The following STK32A variants were observed in gnomAD, a reference collection of about 807,000 sequenced individuals.
STK32A encodes the protein serine/threonine kinase 32A, also known as serine/threonine-protein kinase 32A.
STK32A carries 41 observed loss-of-function variants against 53.2 expected under a neutral mutation model. That is an observed-to-expected ratio of 0.77 (90% confidence interval 0.60 to 1.00). STK32A has a LOEUF of 1.00. Among genes scored for constraint, STK32A ranks in the 50% least tolerant of loss-of-function variants. STK32A has a pLI of 0.00. For synonymous variants in STK32A, 166 were observed against 162.8 expected (o/e 1.02, Z -0.15); for missense variants, 458 against 485.8 (o/e 0.94, Z 0.54).
chr5:147,316,922 C>T (rs888908321), intron 4 of STK32A, among the ~76,000 whole-genome samples: 72 of 149,814 alleles, frequency 4.8e-4, no homozygotes, highest in African/African-American at 6.1e-4. Context: ...AACTGTGCCT[C>T]GGAGTAACTA....
At chr5:147,283,891 G>A (rs999537408) in intron 4 of STK32A, among the ~76,000 whole-genome samples, 18 of 151,162 alleles carry the variant, frequency 1.2e-4, no homozygotes, top group African/African-American at 4.1e-4. Context: ...CAATTCTTTT[G>A]ACACTAAGGA....
intron 11 of STK32A, chr5:147,383,137 G>A (rs1481883685): frequency 1.1e-5 from 4 of 377,424 alleles, no homozygotes; most frequent in Non-Finnish European, 1.9e-5. Flanking sequence ...AATTAACTGC[G>A]CTTTGCCACC....
At chr5:147,264,650 TG>T (rs1754728276) in intron 2 of STK32A, among the ~76,000 whole-genome samples, 1 of 152,186 alleles carries the variant, frequency 6.6e-6, no homozygotes, top group Non-Finnish European at 1.5e-5. Context: ...GATGGAGGCA[TG>T]TTGGGATAAA....
chr5:147,371,076 G>A (rs1386970044), intron 9 of STK32A, among the ~76,000 whole-genome samples: 1 of 152,042 alleles, frequency 6.6e-6, no homozygotes, highest in Non-Finnish European at 1.5e-5. Context: ...CCAGCAACCA[G>A]GACTCATTTG....
At chr5:147,237,723 C>T (rs1011240940) in intron 1 of STK32A, among the ~76,000 whole-genome samples, 5 of 152,166 alleles carry the variant, frequency 3.3e-5, no homozygotes, top group Admixed American at 6.5e-5. Flanking sequence ...CCATAAGGCA[C>T]TTTGCCAGCA....
chr5:147,295,578 T>C (rs974940515), intron 4 of STK32A, among the ~76,000 whole-genome samples: 2 of 152,230 alleles, frequency 1.3e-5, no homozygotes, highest in South Asian at 4.1e-4. Flanking sequence ...TACTTTCTAT[T>C]TTTCTGATAA....
In STK32A at chr5:147,364,870, A is replaced by G. The variant is rs541989153; in HGVS notation, c.660+3256A>G. Among the ~76,000 whole-genome samples the G allele has an allele frequency of 6.6e-5, 10 of 152,314 alleles. No individual in the cohort carries two copies. In the South Asian group the frequency reaches 1.2e-3, roughly 19 times the overall value. On this transcript the variant is annotated intron_variant, in intron 8 of 12. Transcript: ENST00000397936. ...TTAAATTTAGAAATTTTGGGGGGAT[A>G]CATTCAGTCTGTAACAGGTTGTATA...
rs763776609 is a variant in STK32A at position 147,361,532 on chromosome 5, G to A, written c.578G>A (p.Ser193Asn). The A allele has an allele frequency of 6.2e-7, 1 of 1,612,630 alleles. No homozygotes were observed. Among genetic ancestry groups the A allele is most frequent in the South Asian group, 1.1e-5 (1 of 90,636 alleles). Reference protein sequence around the residue: ...TKPYMAPEMFSSRKGAGYSFA... With the variant: ...TKPYMAPEMFNSRKGAGYSFA... ...TGTTTTTCAGCACCTGAGATGTTCA[G>A]CTCCAGAAAAGGAGCAGGCTATTCC... is the stretch of plus-strand genomic sequence containing the variant. Residue 193 changes from serine (S) to asparagine (N), a missense_variant, in exon 8 of 13, where the codon AGC becomes AAC. By Grantham distance (46) the Ser-to-Asn change is conservative. Transcript: ENST00000397936.
At chr5:147,344,095 T>C (rs1581119365) in intron 6 of STK32A, among the ~76,000 whole-genome samples, 2 of 152,316 alleles carry the variant, frequency 1.3e-5, no homozygotes, top group East Asian at 3.9e-4. Flanking sequence ...AATAAGATCT[T>C]TGTTATGTCT....
chr5:147,393,897 G>C, the STK32A span: 2 of 847,710 alleles, frequency 2.4e-6, no homozygotes, highest in Non-Finnish European at 3.7e-6. Flanking sequence ...TAACATTGGA[G>C]AAACATAAGG....
chr5:147,375,065 A>T lies in STK32A; in HGVS notation c.904-25A>T, dbSNP rs191956082. 2.0e-4 allele frequency: 321 copies of T among 1,583,070 alleles called. 3 individuals carry two copies. In the East Asian group the frequency reaches 6.5e-3, roughly 32 times the overall value. ...TTCAGAATGATACAGTAATCTGAGG[A>T]TTGAGCCAACTGTCTTCCTTGCAGA... On this transcript the variant is annotated intron_variant, in intron 10 of 12. Transcript: ENST00000397936.
intron 5 of STK32A, among the ~76,000 whole-genome samples, chr5:147,328,826 A>G (rs981295781): frequency 6.6e-6 from 1 of 152,146 alleles, no homozygotes; most frequent in African/African-American, 2.4e-5. Flanking sequence ...CCAAAGACAA[A>G]TTTCTGTTTA....
intron 5 of STK32A, among the ~76,000 whole-genome samples, chr5:147,329,614 G>T (rs535429757): frequency 1.6e-4 from 24 of 152,152 alleles, no homozygotes; most frequent in Non-Finnish European, 3.4e-4. Context: ...TATCCTGAGC[G>T]ATGCATGTGT....
intron 5 of STK32A, among the ~76,000 whole-genome samples, chr5:147,335,791 ATG>A (rs145766665): frequency 7.2e-5 from 11 of 151,764 alleles, no homozygotes; most frequent in South Asian, 2.1e-4. Context: ...GTGTGTGTGT[ATG>A]TGTGTGTGTG....
At chr5:147,375,749 G>A (rs989768515) in intron 11 of STK32A, 1 of 152,234 alleles carries the variant, frequency 6.6e-6, no homozygotes, top group Non-Finnish European at 1.5e-5. Flanking sequence ...CACTATTGCT[G>A]GATTTCAGGC....
At chr5:147,303,162 C>T (rs1450562708) in intron 4 of STK32A, among the ~76,000 whole-genome samples, 5 of 152,182 alleles carry the variant, frequency 3.3e-5, no homozygotes, top group African/African-American at 9.7e-5. Flanking sequence ...GCTGTATAGA[C>T]GTGCTTTTAG....
rs1214972519 is a variant in STK32A at position 147,278,972 on chromosome 5, G to A, written c.109-275G>A. Among the ~76,000 whole-genome samples the A allele has an allele frequency of 3.9e-5, 6 of 152,132 alleles. No individual in the cohort carries two copies. The South Asian group carries it at 1.0e-3, about 26-fold the overall frequency. ...GTTATTGGAATATTCCTGACATGGA[G>A]GCAGCTATTTTCACCAAAATGCTGT... On this transcript the variant is annotated intron_variant, in intron 3 of 12. Coordinates refer to ENST00000397936, the MANE Select transcript of STK32A (RefSeq NM_001112724.2).
chr5:147,294,323 A>T, intron 4 of STK32A, among the ~76,000 whole-genome samples: 1 of 152,062 alleles, frequency 6.6e-6, no homozygotes. Flanking sequence ...GTGCAGTGGC[A>T]TGATCTCGGC....
In STK32A at chr5:147,285,771, T is replaced by TAA. The variant is rs60689790; in HGVS notation, c.260+6382_260+6383dup. On this transcript the variant is annotated intron_variant, in intron 4 of 12. Transcript: ENST00000397936. ...CTTACTCCTGCAAGAATGGTTATAA[T>TAA]AAAAAAAAAATCAAAAAACAGCAGA... is the stretch of plus-strand genomic sequence containing the variant. 2.2e-4 allele frequency among the ~76,000 whole-genome samples: 33 copies of TAA among 151,724 alleles called. No homozygotes were observed. In the East Asian group the frequency reaches 4.3e-3, roughly 20 times the overall value.
Sources: allele counts gnomAD v4.1 joint callset (sites outside exome capture counted in the v4.1 genomes callset), GRCh38; gene constraint gnomAD v4.1.1; transcripts MANE v1.5; gene names NCBI Gene and HGNC (gene_info 2026-07-23, HGNC 2026-07-21).